The following PTPRM variants were observed in gnomAD, a reference collection of about 807,000 sequenced individuals.
The protein encoded by PTPRM is protein tyrosine phosphatase receptor type M.
Under a neutral mutation model 186.7 loss-of-function variants are expected in PTPRM, and 47 were observed. That is an observed-to-expected ratio of 0.25 (90% CI 0.20 to 0.32). The LOEUF (loss-of-function observed/expected upper bound fraction) is 0.32, where lower values mean the gene tolerates loss of function less well. Among genes scored for constraint, PTPRM ranks in the 10% least tolerant of loss-of-function variants. PTPRM has a pLI of 1.00. For missense variants in PTPRM, 1,494 were observed against 1,865.0 expected (o/e 0.80, Z 3.66); for synonymous variants, 668 against 674.9 (o/e 0.99, Z 0.16).
chr18:7,736,611 G>A lies in PTPRM; in HGVS notation c.74-37538G>A, dbSNP rs564550779. 3.8e-3 allele frequency among the ~76,000 whole-genome samples: 584 copies of A among 152,000 alleles called. 4 individuals carry two copies. The highest frequency in any genetic ancestry group is 0.013 in the African/African-American group (542 of 41,324). On this transcript the variant is annotated intron_variant, in intron 1 of 32. Transcript: ENST00000580170. ...CCTTTTAAGGGCTCACAACACTAAAGATTTCACATGAAAGGGTCGTGATTG... is the reference window on the plus strand; with the variant it reads ...CCTTTTAAGGGCTCACAACACTAAAAATTTCACATGAAAGGGTCGTGATTG...
intron 22 of PTPRM, among the ~76,000 whole-genome samples, chr18:8,342,121 A>G (rs894019126): frequency 6.6e-6 from 1 of 152,214 alleles, no homozygotes; most frequent in Non-Finnish European, 1.5e-5. Flanking sequence ...ACAGGGAGGA[A>G]GGAGAAGAAA....
At chr18:8,330,172 G>T (rs755233588) in intron 22 of PTPRM, among the ~76,000 whole-genome samples, 19 of 152,196 alleles carry the variant, frequency 1.2e-4, no homozygotes, top group South Asian at 2.1e-4. Flanking sequence ...ATAAGACCAA[G>T]TGCAGCCCTA....
intron 2 of PTPRM, among the ~76,000 whole-genome samples, chr18:7,811,917 C>T (rs1438132645): frequency 6.6e-6 from 1 of 152,126 alleles, no homozygotes; most frequent in Non-Finnish European, 1.5e-5. Flanking sequence ...TCCTGAGAGA[C>T]TGGATAGATT....
At chr18:8,144,033 T>A (rs533830038) in intron 14 of PTPRM, among the ~76,000 whole-genome samples, 62 of 152,342 alleles carry the variant, frequency 4.1e-4, no homozygotes, top group African/African-American at 1.4e-3. Context: ...TCCCACACAG[T>A]GGCAGATAAA....
intron 17 of PTPRM, chr18:8,251,581 C>T (rs1167328508): frequency 1.3e-5 from 2 of 152,132 alleles, no homozygotes; most frequent in African/African-American, 4.8e-5. Flanking sequence ...ATCAACTTAC[C>T]ACCCTTTTTT....
At chr18:8,273,313 G>T (rs1041626049) in intron 19 of PTPRM, among the ~76,000 whole-genome samples, 1 of 151,952 alleles carries the variant, frequency 6.6e-6, no homozygotes, top group African/African-American at 2.4e-5. Flanking sequence ...ATGTAAAATG[G>T]AGTGAATATC....
chr18:7,831,455 T>C (rs2060718667), intron 2 of PTPRM, among the ~76,000 whole-genome samples: 1 of 152,210 alleles, frequency 6.6e-6, no homozygotes, highest in Non-Finnish European at 1.5e-5. Flanking sequence ...ATAACCATTT[T>C]ATTTTTTCCA....
intron 5 of PTPRM, among the ~76,000 whole-genome samples, chr18:7,941,576 C>T (rs1160932891): frequency 6.6e-6 from 1 of 152,118 alleles, no homozygotes; most frequent in Non-Finnish European, 1.5e-5. Flanking sequence ...TTTATGTGCT[C>T]ATATATTGTC....
intron 7 of PTPRM, among the ~76,000 whole-genome samples, chr18:8,026,183 C>G (rs1210439060): frequency 6.6e-6 from 1 of 152,180 alleles, no homozygotes; most frequent in Non-Finnish European, 1.5e-5. Flanking sequence ...CTCAGCTTAC[C>G]TCTGGGTTGA....
At chr18:8,394,298 C>A (rs141107714) in intron 31 of PTPRM, among the ~76,000 whole-genome samples, 178 bp from the exon 32 acceptor site, 299 of 152,276 alleles carry the variant, frequency 2.0e-3, no homozygotes, top group African/African-American at 6.9e-3. Flanking sequence ...CCAAACACTG[C>A]GGATGGCTTG....
At chr18:8,013,430 T>G (rs958706547) in intron 7 of PTPRM, among the ~76,000 whole-genome samples, 9 of 152,174 alleles carry the variant, frequency 5.9e-5, no homozygotes, top group Admixed American at 1.3e-4. Context: ...GCTATATTCT[T>G]ATGACAAAGT....
At chr18:7,646,009 A>T (rs2038552744) in intron 1 of PTPRM, among the ~76,000 whole-genome samples, 1 of 152,190 alleles carries the variant, frequency 6.6e-6, no homozygotes, top group Non-Finnish European at 1.5e-5. Context: ...ACCTTTAGCC[A>T]GCCAGGACAG....
At chr18:8,253,507 A>C (rs1601491596) in intron 19 of PTPRM, 93 bp downstream of exon 19, 2 of 1,176,800 alleles carry the variant, frequency 1.7e-6, no homozygotes, top group Non-Finnish European at 1.1e-6. Flanking sequence ...GCCAGAGAAA[A>C]CCCCCTGCCC....
At chr18:7,859,400 C>T (rs1567927416) in intron 2 of PTPRM, among the ~76,000 whole-genome samples, 1 of 152,154 alleles carries the variant, frequency 6.6e-6, no homozygotes, top group African/African-American at 2.4e-5. Flanking sequence ...CTGGTGGCAG[C>T]CAGGTAGTCA....
intron 14 of PTPRM, among the ~76,000 whole-genome samples, chr18:8,196,099 T>G (rs1197168933): frequency 6.6e-6 from 1 of 152,232 alleles, no homozygotes; most frequent in Non-Finnish European, 1.5e-5. Flanking sequence ...CCTGCTTCTA[T>G]CCAATGAGCC....
At chr18:7,857,919 A>G (rs778690871) in intron 2 of PTPRM, among the ~76,000 whole-genome samples, 9 of 152,222 alleles carry the variant, frequency 5.9e-5, no homozygotes, top group Admixed American at 1.3e-4. Context: ...AAAGTAAAGC[A>G]AAGTAGAGAA....
intron 5 of PTPRM, among the ~76,000 whole-genome samples, chr18:7,933,304 C>T (rs766124175): frequency 6.6e-6 from 1 of 151,998 alleles, no homozygotes; most frequent in Non-Finnish European, 1.5e-5. Context: ...AAATTGTATG[C>T]ACTGCTTGCT....
intron 1 of PTPRM, among the ~76,000 whole-genome samples, chr18:7,615,175 CA>C (rs1567984634): frequency 6.6e-6 from 1 of 152,044 alleles, no homozygotes; most frequent in Non-Finnish European, 1.5e-5. Context: ...TTGCCTAAAA[CA>C]AAAACCTCAT....
At chr18:7,846,334 T>C (rs1052970913) in intron 2 of PTPRM, among the ~76,000 whole-genome samples, 3 of 152,252 alleles carry the variant, frequency 2.0e-5, no homozygotes, top group Non-Finnish European at 4.4e-5. Flanking sequence ...TAAAGGAAAA[T>C]GTTTATATTA....
Sources: allele counts gnomAD v4.1 joint callset (sites outside exome capture counted in the v4.1 genomes callset), GRCh38; gene constraint gnomAD v4.1.1; transcripts MANE v1.5; gene names NCBI Gene and HGNC (gene_info 2026-07-23, HGNC 2026-07-21).